Variants in FAAH2 observed in about 807,000 individuals in gnomAD.
FAAH2 encodes fatty acid amide hydrolase 2.
In FAAH2, 60 loss-of-function variants were observed where a neutral mutation model predicts 36.9. The ratio of observed to expected loss-of-function variants is 1.63; its 90% CI spans 1.32 to 2.02. The LOEUF is 2.02. Ranked by LOEUF, FAAH2 falls within the 30% of genes most tolerant of loss-of-function variation. FAAH2 has a pLI of 0.00. For missense variants in FAAH2, 689 were observed against 397.5 expected (o/e 1.73, Z -6.23); for synonymous variants, 214 against 143.8 (o/e 1.49, Z -3.49).
chrX:57,231,299 C>T, the FAAH2 span, among the ~76,000 whole-genome samples: 2 of 110,498 alleles, frequency 1.8e-5, no homozygotes, highest in African/African-American at 3.3e-5. Context: ...TTTTATCTTC[C>T]TAGCACAATG....
chrX:57,179,458 G>A, the FAAH2 span, among the ~76,000 whole-genome samples: 1 of 111,756 alleles, frequency 8.9e-6, no homozygotes, highest in South Asian at 3.8e-4. Flanking sequence ...ATCAGAAAAA[G>A]CAGGGGTTGC....
chrX:57,397,662 C>T (rs1318038588), intron 7 of FAAH2, among the ~76,000 whole-genome samples: 2 of 110,029 alleles, frequency 1.8e-5, no homozygotes, highest in Non-Finnish European at 3.8e-5. Context: ...GGATTTCCAT[C>T]ATAGGTAATT....
chrX:57,298,966 C>A (rs2052237641), intron 2 of FAAH2, among the ~76,000 whole-genome samples: 1 of 111,304 alleles, frequency 9.0e-6, no homozygotes, highest in Admixed American at 9.5e-5. Context: ...TAATTAATAG[C>A]CTACCAACCA....
the FAAH2 span, among the ~76,000 whole-genome samples, chrX:57,224,772 C>A: frequency 8.9e-6 from 1 of 112,321 alleles, no homozygotes; most frequent in Non-Finnish European, 1.9e-5. Context: ...CCGCCTGCAC[C>A]CAGGCACTGA....
At chrX:57,218,019 A>C in the FAAH2 span, among the ~76,000 whole-genome samples, 5 of 111,906 alleles carry the variant, frequency 4.5e-5, no homozygotes, top group African/African-American at 1.3e-4. Flanking sequence ...GGTGTACAGA[A>C]AAGCTACTGA....
At chrX:57,465,815 C>T (rs1380254258) in intron 10 of FAAH2, among the ~76,000 whole-genome samples, 4 of 110,335 alleles carry the variant, frequency 3.6e-5, no homozygotes, top group Non-Finnish European at 7.6e-5. Context: ...TCTTCTCTTG[C>T]TTTTAAAAAT....
intron 8 of FAAH2, among the ~76,000 whole-genome samples, chrX:57,440,568 C>T (rs1390127505): frequency 9.0e-6 from 1 of 111,421 alleles, no homozygotes; most frequent in Admixed American, 9.6e-5. Context: ...TTGACTTCCT[C>T]TTTTACTAAT....
At chrX:57,428,662 G>C (rs1178711689) in intron 7 of FAAH2, among the ~76,000 whole-genome samples, 3 of 111,682 alleles carry the variant, frequency 2.7e-5, no homozygotes, top group African/African-American at 9.8e-5. Flanking sequence ...ATTCAAAAAG[G>C]GTTCTTGGAA....
chrX:57,160,775 G>T, the FAAH2 span, among the ~76,000 whole-genome samples: 1 of 111,372 alleles, frequency 9.0e-6, no homozygotes, highest in Non-Finnish European at 1.9e-5. Context: ...TCTTGCTAAT[G>T]GTCTTTCAAT....
At chrX:57,259,048 A>T in the FAAH2 span, among the ~76,000 whole-genome samples, 1 of 110,935 alleles carries the variant, frequency 9.0e-6, no homozygotes, top group Non-Finnish European at 1.9e-5. Context: ...AACTACAATG[A>T]TATATCACCT....
At chrX:57,411,420 G>A (rs2055697911) in intron 7 of FAAH2, among the ~76,000 whole-genome samples, 1 of 111,070 alleles carries the variant, frequency 9.0e-6, no homozygotes, top group Admixed American at 9.6e-5. Context: ...TTCCACTGGG[G>A]AGGAAGGAAG....
At chrX:57,168,888 G>A in the FAAH2 span, among the ~76,000 whole-genome samples, 1 of 112,279 alleles carries the variant, frequency 8.9e-6, no homozygotes, top group Non-Finnish European at 1.9e-5. Flanking sequence ...AAAGCATAGT[G>A]TCATATATCC....
the FAAH2 span, among the ~76,000 whole-genome samples, chrX:57,280,221 CT>C: frequency 4.6e-5 from 5 of 107,993 alleles, no homozygotes; most frequent in South Asian, 4.4e-4. Flanking sequence ...CTAAGCAGAT[CT>C]TTTTTTTTCT....
At chrX:57,199,385 T>C in the FAAH2 span, among the ~76,000 whole-genome samples, 1 of 111,471 alleles carries the variant, frequency 9.0e-6, no homozygotes, top group African/African-American at 3.3e-5. Flanking sequence ...TGTGTATTTG[T>C]ACAGTATCCC....
At chrX:57,381,545 A>G (rs185853027) in intron 7 of FAAH2, 1,129 of 684,873 alleles carry the variant, frequency 1.6e-3, no homozygotes, top group Non-Finnish European at 1.8e-3. Flanking sequence ...TAATAATAAT[A>G]CAGCTTATTA....
the FAAH2 span, chrX:57,137,329 G>C: frequency 2.0e-5 from 15 of 759,078 alleles, no homozygotes; most frequent in Non-Finnish European, 2.3e-5. Flanking sequence ...GTGACTGCTT[G>C]CAAGAGCGGG....
chrX:57,229,163 ATGG>A, the FAAH2 span: 1 of 112,294 alleles, frequency 8.9e-6, no homozygotes, highest in Admixed American at 9.4e-5. Flanking sequence ...AAAGGGTGGA[ATGG>A]TTAAGAGACA....
chrX:57,439,931 T>C (rs2056510353), intron 8 of FAAH2, among the ~76,000 whole-genome samples: 1 of 111,762 alleles, frequency 8.9e-6, no homozygotes, highest in African/African-American at 3.3e-5. Flanking sequence ...GCATTATTTC[T>C]GAGGGTTCTG....
At chrX:57,264,567 C>T in the FAAH2 span, among the ~76,000 whole-genome samples, 1 of 112,402 alleles carries the variant, frequency 8.9e-6, no homozygotes, top group South Asian at 3.7e-4. Flanking sequence ...AAAAGGAATG[C>T]TTATACACTG....
Sources: gnomAD v4.1 joint callset for allele counts (sites outside exome capture counted in the v4.1 genomes callset) on GRCh38, gnomAD v4.1.1 for gene constraint, MANE v1.5 for transcripts, NCBI Gene and HGNC (gene_info 2026-07-23, HGNC 2026-07-21) for gene names.